CTCFL: variants seen among roughly 807,000 people sequenced by gnomAD.
CTCFL encodes the protein transcriptional repressor CTCFL.
CTCFL carries 36 observed loss-of-function variants against 67.4 expected under a neutral mutation model. The observed-to-expected ratio is 0.53, with a 90% confidence interval of 0.41 to 0.71. The LOEUF (loss-of-function observed/expected upper bound fraction) is 0.71, where lower values mean the gene tolerates loss of function less well. Ranked by LOEUF, CTCFL falls within the 30% of genes least tolerant of loss-of-function variation. The probability of loss-of-function intolerance (pLI) is 0.00; values close to 1 mark genes in which losing one functional copy is unlikely to be tolerated. For missense variants in CTCFL, 786 were observed against 835.2 expected (o/e 0.94, Z 0.73); for synonymous variants, 324 against 302.3 (o/e 1.07, Z -0.75).
chr20:57,517,538 A>G (rs2069015185), intron 5 of CTCFL, among the ~76,000 whole-genome samples: 1 of 152,148 alleles, frequency 6.6e-6, no homozygotes, highest in African/African-American at 2.4e-5. Flanking sequence ...TTGGCCTCCC[A>G]AAGTGCTGGG....
At chr20:57,495,997 G>T (rs2067721219), downstream of CTCFL, 2 of 360,566 alleles carry the variant, frequency 5.5e-6, no homozygotes, top group Non-Finnish European at 9.9e-6. Flanking sequence ...ATCTGTTTTT[G>T]AAATTAACAT....
intron 9 of CTCFL, among the ~76,000 whole-genome samples, chr20:57,504,387 C>A (rs892265762): frequency 1.3e-5 from 2 of 151,168 alleles, no homozygotes; most frequent in Non-Finnish European, 3.0e-5. Context: ...TCAAGCGATT[C>A]TCCTGCCTTA....
Position 57,512,755 on chromosome 20 carries a change from A to G in CTCFL, c.1331-3T>C. The G allele has an allele frequency of 1.2e-6, 2 of 1,613,674 alleles. No individual in the cohort carries two copies. Among genetic ancestry groups the G allele is most frequent in the East Asian group, 2.2e-5 (1 of 44,878 alleles). ...ATGCAAGTTGCGCATATGCACACCT[A>G]AAATGGTCACAGAACATTATATACT... On this transcript the variant is annotated splice_polypyrimidine_tract_variant and splice_region_variant and intron_variant, in intron 7 of 10. Transcript: ENST00000243914.
chr20:57,505,908 T>C (rs1290243116), intron 9 of CTCFL, among the ~76,000 whole-genome samples: 1 of 152,246 alleles, frequency 6.6e-6, no homozygotes, highest in Admixed American at 6.5e-5. Context: ...TTGCAAATTA[T>C]GCGAAACATC....
chr20:57,524,265 G>A (rs925357350), intron 1 of CTCFL, 49 bp from the exon 2 acceptor site: 11 of 1,552,390 alleles, frequency 7.1e-6, no homozygotes, highest in Admixed American at 3.7e-5. Flanking sequence ...GAAGGGGGTG[G>A]TATGAGGAGG....
chr20:57,512,772 T>TTA lies in CTCFL; in HGVS notation c.1331-22_1331-21dup, dbSNP rs1322514704. 1 of 1,611,612 alleles carries TTA rather than the reference T, an allele frequency of 6.2e-7. No homozygotes were observed. Among genetic ancestry groups the TTA allele is most frequent in the South Asian group, 1.1e-5 (1 of 90,966 alleles). On this transcript the variant is annotated intron_variant, in intron 7 of 10. Coordinates refer to ENST00000243914, the MANE Select transcript of CTCFL (RefSeq NM_001386993.1). ...GCACACCTAAAATGGTCACAGAACA[T>TTA]TATATACTTCAAGAGTGTTGTTTTC...
chr20:57,515,915 G>C (rs1460458002), intron 5 of CTCFL, 81 bp from the exon 6 acceptor site: 1 of 1,436,696 alleles, frequency 7.0e-7, no homozygotes, highest in African/African-American at 1.4e-5. Flanking sequence ...TTGTAAAAGA[G>C]ATTTAAATTA....
intron 8 of CTCFL, among the ~76,000 whole-genome samples, chr20:57,511,606 T>A (rs2068562814): frequency 6.6e-6 from 1 of 151,974 alleles, no homozygotes; most frequent in African/African-American, 2.4e-5. Context: ...CTTTTTTTTT[T>A]TTTGAGATGG....
chr20:57,497,674 G>C lies in CTCFL; in HGVS notation c.*876C>G. On this transcript the variant is annotated 3_prime_UTR_variant, in exon 11 of 11. Coordinates refer to ENST00000243914, the MANE Select transcript of CTCFL (RefSeq NM_001386993.1). ...TATGAAAAAGTACAAATTCCTTACA[G>C]GTACACATTTGCCTTATCTGATTTT... The C allele has an allele frequency of 1.0e-6, 1 of 985,296 alleles. No homozygotes were observed. The highest frequency in any genetic ancestry group is 1.2e-6 in the Non-Finnish European group (1 of 829,836). 61.0% of individuals were successfully genotyped at this position (985,296 alleles called of 1,614,324 possible).
intron 9 of CTCFL, among the ~76,000 whole-genome samples, chr20:57,504,311 G>A (rs1213403167): frequency 2.1e-5 from 3 of 144,980 alleles, no homozygotes; most frequent in Admixed American, 6.9e-5. Context: ...TGGGAGTCTC[G>A]CTCTGTCACC....
At chr20:57,502,329 C>T (rs934660680) in intron 10 of CTCFL, among the ~76,000 whole-genome samples, 15 of 152,320 alleles carry the variant, frequency 9.8e-5, no homozygotes, top group Admixed American at 5.9e-4. Context: ...CGCTTCTACC[C>T]GAGTTTCAGA....
Position 57,523,121 on chromosome 20 carries a change from C to T in CTCFL, c.701G>A (p.Gly234Asp), listed in dbSNP as rs779980012. Residue 234 changes from glycine to aspartate, a missense_variant, in exon 3 of 11, where the codon GGT becomes GAT. Physicochemically the swap from Gly to Asp is moderately conservative, Grantham distance 94. Coordinates refer to ENST00000243914, the MANE Select transcript of CTCFL (RefSeq NM_001386993.1). ...VEEQEDQPTA[G>D]QADAEKAKST... ...TTTGGCCTTTTCAGCATCTGCTTGA[C>T]CAGCTGTAGGTTGATCCTCTTGTTC... 10 of 1,613,824 alleles carry T rather than the reference C, an allele frequency of 6.2e-6. No homozygotes were observed. The South Asian group carries it at 9.9e-5, about 16-fold the overall frequency.
At chr20:57,507,861 A>G (rs904727195) in intron 9 of CTCFL, 2 of 702,930 alleles carry the variant, frequency 2.8e-6, no homozygotes, top group Non-Finnish European at 2.6e-6. Context: ...ACAGAAATAG[A>G]TAACTAATAC....
At chr20:57,503,751 T>A in intron 9 of CTCFL, 150 bp from the exon 10 acceptor site, 1 of 740,080 alleles carries the variant, frequency 1.4e-6, no homozygotes. Context: ...CCCTAAGAAG[T>A]AAATAAGCAA....
In CTCFL at chr20:57,519,377, C is replaced by A; in HGVS notation, c.755G>T (p.Gly252Val). 6.2e-7 allele frequency: 1 copy of A among 1,612,162 alleles called. No homozygotes were observed. The highest frequency in any genetic ancestry group is 1.1e-5 in the South Asian group (1 of 90,980). Residue 252 changes from glycine to valine, a missense_variant and splice_region_variant, in exon 4 of 11, where the codon GGA becomes GTA. By Grantham distance (109) the Gly-to-Val change is moderately radical. Around this residue, in one of 3 missense-constraint regions of CTCFL, gnomAD observed 333 missense variants for 304.6 expected, o/e 1.09. Coordinates refer to ENST00000243914, the MANE Select transcript of CTCFL (RefSeq NM_001386993.1). ...KSTKNQRKTK[G>V]AKGTFHCDVC... The stretch of plus-strand genomic sequence containing the variant: ...ATCACAGTGGAAGGTTCCTTTTGCT[C>A]CTATAGGCAGGAAATAGTTTATGTA...
At chr20:57,522,222 C>T (rs1264887154) in intron 3 of CTCFL, among the ~76,000 whole-genome samples, 2 of 152,200 alleles carry the variant, frequency 1.3e-5, no homozygotes, top group African/African-American at 2.4e-5. Context: ...GGTTGGCATT[C>T]TCCTTTTCTA....
chr20:57,523,945 G>C lies in CTCFL; in HGVS notation c.261C>G (p.Phe87Leu). The C allele has an allele frequency of 1.2e-6, 2 of 1,613,120 alleles. No homozygotes were observed. The highest frequency in any genetic ancestry group is 1.7e-6 in the Non-Finnish European group (2 of 1,180,014). ...CCTGCAACTCCACAGCTTCAGAAGT[G>C]AAGTGCACCGTCTGCAGGGTCAGGA... is the stretch of plus-strand genomic sequence containing the variant. ...KYILTLQTVH[F>L]TSEAVELQDM... The change falls in exon 2 of 11, where the codon TTC becomes TTG. Residue 87 changes from phenylalanine (F) to leucine (L), a missense_variant. Coordinates refer to ENST00000243914, the MANE Select transcript of CTCFL (RefSeq NM_001386993.1).
intron 7 of CTCFL, 57 bp downstream of exon 7, chr20:57,514,535 C>A: frequency 1.3e-6 from 2 of 1,593,046 alleles, no homozygotes; most frequent in South Asian, 2.3e-5. Context: ...TTTATAGGAC[C>A]ACGCTCCAAA....
intron 8 of CTCFL, among the ~76,000 whole-genome samples, chr20:57,512,092 T>G (rs564691199): frequency 1.4e-4 from 21 of 152,298 alleles, no homozygotes; most frequent in African/African-American, 4.8e-4. Context: ...GCTTCTCATC[T>G]CATCACAAAG....
Sources: allele counts gnomAD v4.1 joint callset (sites outside exome capture counted in the v4.1 genomes callset), GRCh38; gene constraint gnomAD v4.1.1; regional missense constraint gnomAD v4.1.1; transcripts MANE v1.5; gene names NCBI Gene and HGNC (gene_info 2026-07-23, HGNC 2026-07-21).